Variants in LRBA observed in about 807,000 individuals in gnomAD.
LRBA encodes the protein lipopolysaccharide-responsive and beige-like anchor protein.
Under a neutral mutation model 330.0 loss-of-function variants are expected in LRBA, and 176 were observed. The ratio of observed to expected loss-of-function variants is 0.53; its 90% CI spans 0.47 to 0.60. LRBA has a LOEUF of 0.60. Among genes scored for constraint, LRBA ranks in the 20% least tolerant of loss-of-function variants. The probability of loss-of-function intolerance (pLI) is 0.00; values close to 1 mark genes in which losing one functional copy is unlikely to be tolerated. For synonymous variants in LRBA, 1,230 were observed against 1,193.0 expected (o/e 1.03, Z -0.64); for missense variants, 3,259 against 3,444.8 (o/e 0.95, Z 1.35).
In LRBA at chr4:150,661,785, T is replaced by A. The variant is rs146227461; in HGVS notation, c.5921+21766A>T. The stretch of plus-strand genomic sequence containing the variant: ...ACCATCACACCTAGTTAATTTATTT[T>A]TTTATTTTTTTATTTTTAGTAGAGA... On this transcript the variant is annotated intron_variant, in intron 37 of 56. Coordinates refer to ENST00000651943, the MANE Select transcript of LRBA (RefSeq NM_001364905.1). Among the ~76,000 whole-genome samples the A allele has an allele frequency of 4.7e-3, 711 of 151,856 alleles. 6 individuals carry two copies. The highest frequency in any genetic ancestry group is 0.016 in the African/African-American group (679 of 41,418).
intron 13 of LRBA, among the ~76,000 whole-genome samples, chr4:150,904,079 A>C (rs757565978): frequency 7.2e-5 from 11 of 152,212 alleles, no homozygotes; most frequent in Non-Finnish European, 1.3e-4. Flanking sequence ...GAAATTATAA[A>C]TCGCTGGTAG....
At chr4:150,398,794 G>GT (rs1014753681) in intron 47 of LRBA, among the ~76,000 whole-genome samples, 10 of 151,960 alleles carry the variant, frequency 6.6e-5, no homozygotes, top group African/African-American at 2.4e-4. Flanking sequence ...ACCTAGATAA[G>GT]TTTTTTTGTT....
rs1351525923 is a variant in LRBA, at chr4:150,739,351, T to C, written c.5646-3985A>G. On this transcript the variant is annotated intron_variant, in intron 35 of 56. Transcript: ENST00000651943. ...ATTATTTTCAGGTAAACATGGAACA[T>C]ATTAAAAAAAACAGGCAAAATGCGG... 8.8e-5 allele frequency among the ~76,000 whole-genome samples: 3 copies of C among 33,970 alleles called. No individual in the cohort carries two copies. The South Asian group carries it at 1.3e-3, about 15-fold the overall frequency. The allele number at this position is 33,970 out of a possible 152,430, so 22.3% of individuals were successfully genotyped here.
chr4:150,653,338 T>A (rs1415331877), intron 37 of LRBA, among the ~76,000 whole-genome samples: 1 of 152,236 alleles, frequency 6.6e-6, no homozygotes, highest in African/African-American at 2.4e-5. Context: ...GTAATGAGTA[T>A]CATTATGAAC....
intron 40 of LRBA, among the ~76,000 whole-genome samples, chr4:150,570,649 C>T (rs1769722940): frequency 6.6e-6 from 1 of 152,030 alleles, no homozygotes; most frequent in Non-Finnish European, 1.5e-5. Flanking sequence ...GTTCAGAATA[C>T]ATCACTAGGG....
At position 150,737,539 on chromosome 4, in the gene LRBA, AAAGACG is replaced by A. The variant is rs1449533454; in HGVS notation, c.5646-2179_5646-2174del. Among the ~76,000 whole-genome samples the A allele has an allele frequency of 1.5e-4, 23 of 151,760 alleles. No individual in the cohort carries two copies. The East Asian group carries it at 4.5e-3, about 30-fold the overall frequency. On this transcript the variant is annotated intron_variant, in intron 35 of 56. Coordinates refer to ENST00000651943, the MANE Select transcript of LRBA (RefSeq NM_001364905.1). The stretch of plus-strand genomic sequence containing the variant: ...AAGAAAAGAAAAAAGAAAAGAAAAG[AAAGACG>A]AAAGAAAGAGAGAGAGAAAGAAAAG...
intron 35 of LRBA, among the ~76,000 whole-genome samples, chr4:150,745,828 T>C (rs1732637349): frequency 1.3e-5 from 2 of 152,002 alleles, no homozygotes; most frequent in African/African-American, 4.8e-5. Flanking sequence ...AAAAATCTTG[T>C]GTGTTCTATT....
intron 38 of LRBA, among the ~76,000 whole-genome samples, chr4:150,591,819 G>A (rs529307480): frequency 1.5e-4 from 23 of 152,164 alleles, no homozygotes; most frequent in South Asian, 1.5e-3. Flanking sequence ...AATGGGATCC[G>A]AAAGGAGAGC....
rs941794559 is a variant in LRBA at position 150,671,037 on chromosome 4, TGTGTGA to T, written c.5921+12508_5921+12513del. On this transcript the variant is annotated intron_variant, in intron 37 of 56. Coordinates refer to ENST00000651943, the MANE Select transcript of LRBA (RefSeq NM_001364905.1). ...GTGTGTGTGTGTGTGTGTGTGTGTG[TGTGTGA>T]GAGAGAGAGAGAGAGAGAGACAGAG... Among the ~76,000 whole-genome samples, 19 of 147,180 alleles carry T rather than the reference TGTGTGA, an allele frequency of 1.3e-4. No individual in the cohort carries two copies. In the East Asian group the frequency reaches 1.8e-3, roughly 14 times the overall value.
intron 32 of LRBA, 97 bp from the exon 33 acceptor site, chr4:150,806,501 T>C: frequency 1.5e-6 from 1 of 680,450 alleles, no homozygotes; most frequent in Non-Finnish European, 2.1e-6. Flanking sequence ...TATATATAAT[T>C]ATTTAAAAAA....
chr4:150,662,132 A>G (rs1229306970), intron 37 of LRBA, among the ~76,000 whole-genome samples: 1 of 152,238 alleles, frequency 6.6e-6, no homozygotes, highest in Non-Finnish European at 1.5e-5. Flanking sequence ...GTGGAAAGTA[A>G]AATCTCATCT....
intron 37 of LRBA, among the ~76,000 whole-genome samples, chr4:150,670,844 T>C (rs1365601398): frequency 6.6e-6 from 1 of 152,182 alleles, no homozygotes; most frequent in Admixed American, 6.5e-5. Flanking sequence ...AAATCTTGCT[T>C]TTACTATCCA....
intron 42 of LRBA, among the ~76,000 whole-genome samples, chr4:150,485,530 T>C (rs904165638): frequency 6.6e-6 from 1 of 151,870 alleles, no homozygotes; most frequent in Non-Finnish European, 1.5e-5. Context: ...AAGTCCAATA[T>C]GGCTGGTGTC....
At chr4:150,581,349 A>G in intron 40 of LRBA, 2 of 445,678 alleles carry the variant, frequency 4.5e-6, no homozygotes, top group Non-Finnish European at 9.0e-6. Context: ...ACTGGTGCAC[A>G]TATACAGCAA....
chr4:150,810,869 G>A (rs755211958), intron 31 of LRBA, among the ~76,000 whole-genome samples: 18 of 152,152 alleles, frequency 1.2e-4, no homozygotes, highest in South Asian at 2.1e-4. Flanking sequence ...CCCAAAGTGC[G>A]AGGGTTATAG....
intron 40 of LRBA, among the ~76,000 whole-genome samples, chr4:150,500,970 G>T (rs951886007): frequency 4.6e-5 from 7 of 152,146 alleles, no homozygotes; most frequent in African/African-American, 1.7e-4. Context: ...GTTGGAGTCA[G>T]TTATAAATGA....
intron 2 of LRBA, among the ~76,000 whole-genome samples, chr4:150,980,939 T>G (rs1740761315): frequency 6.6e-6 from 1 of 151,388 alleles, no homozygotes; most frequent in East Asian, 1.9e-4. Flanking sequence ...ATCTCTACAA[T>G]GAAAACAATA....
chr4:150,265,768 T>TA lies in LRBA; in HGVS notation c.8512dup (p.Tyr2838LeufsTer5). 1 of 1,613,754 alleles carries TA rather than the reference T, an allele frequency of 6.2e-7. No individual in the cohort carries two copies. Among genetic ancestry groups the TA allele is most frequent in the East Asian group, 2.2e-5 (1 of 44,874 alleles). On this transcript the variant is annotated frameshift_variant, in exon 57 of 57. Coordinates refer to ENST00000651943, the MANE Select transcript of LRBA (RefSeq NM_001364905.1). LOFTEE classifies it high-confidence loss of function. ...ATGATGCCACCGGTTAAAGTCGTTGTAAAATAGCACAATGCTTCCTGAAGC... is the reference window on the plus strand; with the variant it reads ...ATGATGCCACCGGTTAAAGTCGTTGTAAAAATAGCACAATGCTTCCTGAAGC...
At chr4:150,270,220 C>A (rs1745882413) in intron 56 of LRBA, among the ~76,000 whole-genome samples, 1 of 152,164 alleles carries the variant, frequency 6.6e-6, no homozygotes, top group Non-Finnish European at 1.5e-5. Flanking sequence ...TGGGCATACA[C>A]CCAAAAGGAC....
Sources: gnomAD v4.1 joint callset for allele counts (sites outside exome capture counted in the v4.1 genomes callset) on GRCh38, gnomAD v4.1.1 for gene constraint, MANE v1.5 for transcripts, NCBI Gene and HGNC (gene_info 2026-07-23, HGNC 2026-07-21) for gene names.